The following TTLL7 variants were observed in gnomAD, a reference collection of about 807,000 sequenced individuals.
TTLL7 encodes tubulin polyglutamylase TTLL7.
In TTLL7, 53 loss-of-function variants were observed where a neutral mutation model predicts 120.2. That is an observed-to-expected ratio of 0.44 (90% CI 0.35 to 0.55). The LOEUF (loss-of-function observed/expected upper bound fraction) is 0.55, where lower values mean the gene tolerates loss of function less well. TTLL7 is among the 20% of genes least tolerant of loss of function. The pLI is 0.00. For missense variants in TTLL7, 803 were observed against 1,054.7 expected (o/e 0.76, Z 3.31); for synonymous variants, 353 against 351.7 (o/e 1.00, Z -0.04).
rs58157608 is a variant in TTLL7 at position 83,897,865 on chromosome 1, T to TAAAAA, written c.2208+6209_2208+6213dup. ...ATTATCTTCCTTGGGTGTTTTCCAT[T>TAAAAA]AAAAAAAAAAAAAAAAAAAACTTTC... On this transcript the variant is annotated intron_variant, in intron 18 of 20. Transcript: ENST00000260505. 4.5e-3 allele frequency among the ~76,000 whole-genome samples: 571 copies of TAAAAA among 127,302 alleles called. 9 individuals carry two copies. Among genetic ancestry groups the TAAAAA allele is most frequent in the East Asian group, 0.01 (45 of 4,322 alleles). The allele number at this position is 127,302 out of a possible 152,430, so 83.5% of individuals were successfully genotyped here. A position where few individuals can be genotyped will look rare whatever the true frequency, so the allele number is the denominator to read the frequency against.
chr1:83,970,124 C>A (rs754280039), intron 1 of TTLL7, among the ~76,000 whole-genome samples: 1 of 151,970 alleles, frequency 6.6e-6, no homozygotes. Context: ...TTAAAATAAT[C>A]TATAGGATTG....
chr1:83,924,575 G>A (rs1054089237), intron 10 of TTLL7, among the ~76,000 whole-genome samples: 2 of 152,108 alleles, frequency 1.3e-5, no homozygotes. Context: ...GGAGAGGGAG[G>A]AATGAGGAAT....
intron 1 of TTLL7, among the ~76,000 whole-genome samples, chr1:83,971,173 A>T (rs562513626): frequency 2.6e-5 from 4 of 152,234 alleles, no homozygotes; most frequent in African/African-American, 9.6e-5. Flanking sequence ...CATTGAAGGC[A>T]TCTACTCAAC....
chr1:83,975,652 C>T (rs928248572), intron 1 of TTLL7, among the ~76,000 whole-genome samples: 1 of 152,096 alleles, frequency 6.6e-6, no homozygotes, highest in Non-Finnish European at 1.5e-5. Context: ...TAGCATGTCG[C>T]TTTTTGAATG....
intron 17 of TTLL7, among the ~76,000 whole-genome samples, chr1:83,905,286 C>G (rs779936756): frequency 2.6e-5 from 4 of 151,476 alleles, no homozygotes; most frequent in African/African-American, 7.3e-5. Context: ...TATATAACAA[C>G]AAAATATATA....
chr1:83,878,790 T>A (rs1654187378), intron 20 of TTLL7, among the ~76,000 whole-genome samples: 2 of 151,906 alleles, frequency 1.3e-5, no homozygotes, highest in Admixed American at 1.3e-4. Flanking sequence ...AACCCAAAAA[T>A]GTCTTTTCCT....
chr1:83,937,356 C>G (rs1175000161), intron 8 of TTLL7, among the ~76,000 whole-genome samples: 2 of 152,178 alleles, frequency 1.3e-5, no homozygotes, highest in East Asian at 3.9e-4. Flanking sequence ...AGCGCGCCAC[C>G]ACATCCGGCT....
At chr1:83,904,031 T>TTAA (rs751159767) in intron 18 of TTLL7, 48 bp downstream of exon 18, 1 of 1,443,008 alleles carries the variant, frequency 6.9e-7, no homozygotes, top group Non-Finnish European at 9.7e-7. Context: ...TGATCCTAGC[T>TTAA]TAATACATAA....
At chr1:83,882,904 C>G (rs1445857209) in intron 20 of TTLL7, 59 bp downstream of exon 20, 1 of 1,554,548 alleles carries the variant, frequency 6.4e-7, no homozygotes, top group East Asian at 2.3e-5. Context: ...CAATTTCAAA[C>G]TGTGTTTTAG....
At chr1:83,916,770 T>G (rs1658225212) in intron 14 of TTLL7, among the ~76,000 whole-genome samples, 1 of 152,066 alleles carries the variant, frequency 6.6e-6, no homozygotes, top group South Asian at 2.1e-4. Flanking sequence ...TCTTTCCTAC[T>G]CTACTAGCAA....
In TTLL7 at chr1:83,948,610, C is replaced by T. The variant is rs1648738160; in HGVS notation, c.347+18G>A. ...AATTTTGAACAGGTCTTCTCCATTA[C>T]AAGAAAATAAAGATTACTTGGTCAT... On this transcript the variant is annotated intron_variant, in intron 5 of 20. Coordinates refer to ENST00000260505, the MANE Select transcript of TTLL7 (RefSeq NM_024686.6). 2 of 1,571,130 alleles carry T rather than the reference C, an allele frequency of 1.3e-6. No individual in the cohort carries two copies. Among genetic ancestry groups the T allele is most frequent in the Non-Finnish European group, 8.8e-7 (1 of 1,142,542 alleles).
rs1310250756 is a variant in TTLL7 at position 83,876,138 on chromosome 1, T to TA, written c.2544-6057dup. Reference sequence around the variant, plus strand: ...AAGTTTCTTTTTTATTATTTGGAAATACAATTGTCCTAGAACCATTGTTTA... The same window carrying TA: ...AAGTTTCTTTTTTATTATTTGGAAATAACAATTGTCCTAGAACCATTGTTTA... On this transcript the variant is annotated intron_variant, in intron 20 of 20. Transcript: ENST00000260505. Among the ~76,000 whole-genome samples the TA allele has an allele frequency of 6.6e-5, 10 of 152,054 alleles. No homozygotes were observed. In the East Asian group the frequency reaches 1.9e-3, roughly 29 times the overall value.
At chr1:83,945,652 T>C (rs1648417820) in intron 6 of TTLL7, among the ~76,000 whole-genome samples, 1 of 152,168 alleles carries the variant, frequency 6.6e-6, no homozygotes, top group South Asian at 2.1e-4. Context: ...TGGGAACACA[T>C]AATGCCCTTT....
At chr1:83,951,327 C>T (rs1192831801) in intron 3 of TTLL7, among the ~76,000 whole-genome samples, 2 of 149,432 alleles carry the variant, frequency 1.3e-5, no homozygotes, top group African/African-American at 2.5e-5. Context: ...CCAGCCTGGG[C>T]GACAGAAACT....
At chr1:83,929,623 A>G (rs1659421803) in intron 9 of TTLL7, among the ~76,000 whole-genome samples, 2 of 152,194 alleles carry the variant, frequency 1.3e-5, no homozygotes, top group Non-Finnish European at 2.9e-5. Context: ...TAATAATTAT[A>G]TCAACACAAT....
At chr1:83,984,409 C>T (rs1313746331) in intron 1 of TTLL7, 9 of 152,158 alleles carry the variant, frequency 5.9e-5, no homozygotes, top group Admixed American at 2.0e-4. Flanking sequence ...CCCAGCAATC[C>T]CATTACTGGA....
intron 1 of TTLL7, among the ~76,000 whole-genome samples, chr1:83,969,179 T>C (rs985029968): frequency 5.3e-5 from 8 of 151,912 alleles, no homozygotes; most frequent in Middle Eastern, 3.4e-3. Context: ...AAAGTGACCA[T>C]GTAGGTAATA....
intron 1 of TTLL7, among the ~76,000 whole-genome samples, chr1:83,958,700 G>C (rs557244108): frequency 1.3e-5 from 2 of 152,218 alleles, no homozygotes; most frequent in Non-Finnish European, 2.9e-5. Context: ...GAGAATAAAA[G>C]TAAATGAAAC....
intron 13 of TTLL7, among the ~76,000 whole-genome samples, chr1:83,919,178 G>A (rs1388989301): frequency 6.6e-6 from 1 of 151,954 alleles, no homozygotes; most frequent in Non-Finnish European, 1.5e-5. Flanking sequence ...CACGATTGCA[G>A]AGTAATGAGC....
Sources: gnomAD v4.1 joint callset for allele counts (sites outside exome capture counted in the v4.1 genomes callset) on GRCh38, gnomAD v4.1.1 for gene constraint, MANE v1.5 for transcripts, NCBI Gene and HGNC (gene_info 2026-07-23, HGNC 2026-07-21) for gene names.